Variants in ABI3BP observed in about 807,000 individuals in gnomAD.
ABI3BP encodes the protein target of Nesh-SH3.
Under a neutral mutation model 268.6 loss-of-function variants are expected in ABI3BP, and 216 were observed. The observed-to-expected ratio is 0.80, with a 90% CI of 0.72 to 0.90. ABI3BP has a LOEUF of 0.90. ABI3BP is among the 40% of genes least tolerant of loss of function. The pLI, the probability that ABI3BP is intolerant of heterozygous loss-of-function variation, is 0.00. For synonymous variants in ABI3BP, 730 were observed against 730.0 expected, an observed-to-expected ratio of 1.00 and a Z score of 0.00; for missense variants, 2,090 against 2,182.4, an observed-to-expected ratio of 0.96 and a Z score of 0.84.
intron 2 of ABI3BP, chr3:100,914,384 G>A (rs1045896499): frequency 2.2e-6 from 1 of 451,094 alleles, no homozygotes; most frequent in Middle Eastern, 3.3e-4. Context: ...CTGCGGAACA[G>A]GCCCCTGGCA....
chr3:100,884,997 G>A (rs1281810668), intron 6 of ABI3BP, among the ~76,000 whole-genome samples: 2 of 151,382 alleles, frequency 1.3e-5, no homozygotes, highest in Admixed American at 1.3e-4. Context: ...GAGAAACCGA[G>A]TGGCTGAAGT....
intron 1 of ABI3BP, among the ~76,000 whole-genome samples, chr3:100,979,839 C>T (rs2088366849): frequency 1.3e-5 from 2 of 152,192 alleles, no homozygotes; most frequent in Non-Finnish European, 2.9e-5. Context: ...TTGTAAACAT[C>T]TGAGAAAGGC....
At chr3:100,872,981 G>A (rs912305636) in intron 9 of ABI3BP, among the ~76,000 whole-genome samples, 4 of 152,056 alleles carry the variant, frequency 2.6e-5, no homozygotes, top group Non-Finnish European at 2.9e-5. Context: ...TGAACCATAC[G>A]TTTTGGAAAA....
intron 1 of ABI3BP, among the ~76,000 whole-genome samples, chr3:100,963,940 G>A (rs2080211993): frequency 6.6e-6 from 1 of 152,120 alleles, no homozygotes; most frequent in Non-Finnish European, 1.5e-5. Context: ...GGCTAGAGAT[G>A]GTTTCTCTGT....
intron 14 of ABI3BP, among the ~76,000 whole-genome samples, chr3:100,857,352 T>G (rs1315668180): frequency 6.6e-6 from 1 of 152,230 alleles, no homozygotes; most frequent in Non-Finnish European, 1.5e-5. Context: ...GTGCATTATA[T>G]TAAGTAATTT....
chr3:100,864,138 C>G, intron 11 of ABI3BP, 62 bp from the exon 12 acceptor site: 1 of 1,086,378 alleles, frequency 9.2e-7, no homozygotes. Context: ...TGTGGCTTAA[C>G]CATGATCATG....
rs1221227464 is a variant in ABI3BP, at chr3:100,898,898, T to G, written c.329-4A>C. On this transcript the variant is annotated splice_region_variant and splice_polypyrimidine_tract_variant and intron_variant, in intron 3 of 67. Transcript: ENST00000471714. Reference sequence around the variant, plus strand: ...GGTTTGCGAGAACGAGTTTTACCTGTGGAGGTGGCATAGAGGTTAATAATT... The same window carrying G: ...GGTTTGCGAGAACGAGTTTTACCTGGGGAGGTGGCATAGAGGTTAATAATT... 3.1e-6 allele frequency: 5 copies of G among 1,608,124 alleles called. No individual in the cohort carries two copies. The highest frequency in any genetic ancestry group is 3.4e-6 in the Non-Finnish European group (4 of 1,177,730).
At chr3:100,885,498 T>C in intron 6 of ABI3BP, 38 bp downstream of exon 6, 1 of 1,324,804 alleles carries the variant, frequency 7.5e-7, no homozygotes, top group Non-Finnish European at 1.0e-6. Context: ...GCAGATACAA[T>C]TTTTTAAAAA....
intron 1 of ABI3BP, among the ~76,000 whole-genome samples, chr3:100,970,037 G>A (rs938007249): frequency 6.6e-6 from 1 of 152,110 alleles, no homozygotes; most frequent in African/African-American, 2.4e-5. Flanking sequence ...ATAGGTACAG[G>A]TCTAGCCTAA....
chr3:100,959,447 G>A (rs1042063602), intron 1 of ABI3BP, among the ~76,000 whole-genome samples: 2 of 126,210 alleles, frequency 1.6e-5, no homozygotes, highest in Non-Finnish European at 3.1e-5. Flanking sequence ...CCGAGATCGC[G>A]CCACTGCACT....
chr3:100,885,127 G>T (rs948058133), intron 6 of ABI3BP, among the ~76,000 whole-genome samples: 5 of 152,060 alleles, frequency 3.3e-5, no homozygotes, highest in Non-Finnish European at 7.4e-5. Flanking sequence ...CTCCATTGTT[G>T]TGAAAAAGAC....
intron 63 of ABI3BP, among the ~76,000 whole-genome samples, chr3:100,765,254 AC>A (rs2096221705): frequency 6.6e-6 from 1 of 152,200 alleles, no homozygotes; most frequent in Non-Finnish European, 1.5e-5. Context: ...AATATGAACA[AC>A]CTGGTATCAA....
At chr3:100,846,300 G>T in intron 20 of ABI3BP, 72 bp downstream of exon 20, 1 of 1,008,998 alleles carries the variant, frequency 9.9e-7, no homozygotes, top group Non-Finnish European at 1.5e-6. Context: ...AGAAATTCTT[G>T]CTCCAAATAA....
At chr3:100,945,257 C>G (rs889681430) in intron 1 of ABI3BP, among the ~76,000 whole-genome samples, 1 of 151,974 alleles carries the variant, frequency 6.6e-6, no homozygotes, top group Non-Finnish European at 1.5e-5. Flanking sequence ...AAAAAAGGAA[C>G]AAATATTTTC....
intron 40 of ABI3BP, among the ~76,000 whole-genome samples, chr3:100,819,947 C>CAAAAAA (rs3029879): frequency 2.1e-5 from 2 of 94,616 alleles, no homozygotes; most frequent in African/African-American, 3.9e-5. Context: ...GACTCCGTCT[C>CAAAAAA]AAAAAAAAAA....
chr3:100,931,568 C>T (rs567886514), intron 1 of ABI3BP, among the ~76,000 whole-genome samples: 5 of 151,768 alleles, frequency 3.3e-5, no homozygotes, highest in Admixed American at 6.6e-5. Flanking sequence ...AATGTCCAAA[C>T]GAAGGGCCAA....
chr3:100,799,674 T>C (rs905585691), intron 51 of ABI3BP, among the ~76,000 whole-genome samples: 2 of 152,146 alleles, frequency 1.3e-5, no homozygotes, highest in Admixed American at 6.6e-5. Flanking sequence ...GATTCTCTCT[T>C]ATCTTTTTTG....
At position 100,823,507 on chromosome 3, in the gene ABI3BP, A is replaced by G. The variant is rs1246765343; in HGVS notation, c.2754T>C (p.Ala918=). 3.9e-6 allele frequency: 6 copies of G among 1,533,284 alleles called. No individual in the cohort carries two copies. The highest frequency in any genetic ancestry group is 3.5e-6 in the Non-Finnish European group (4 of 1,145,452). 95.0% of individuals were successfully genotyped at this position (1,533,284 alleles called of 1,614,324 possible). ...PQAPETKPVP[A]TVLEPVTLRP... ...TAAGAGTGACAGGTTCTAGGACTGTAGCAGGAACTGACCAAAACAACATGT... is the reference window on the plus strand; with the variant it reads ...TAAGAGTGACAGGTTCTAGGACTGTGGCAGGAACTGACCAAAACAACATGT... Residue 918 remains alanine, a synonymous_variant, in exon 37 of 68, where the codon GCT becomes GCC. Coordinates refer to ENST00000471714, the MANE Select transcript of ABI3BP (RefSeq NM_001375547.2).
intron 1 of ABI3BP, among the ~76,000 whole-genome samples, chr3:100,985,141 CTTTTTT>C (rs1172049956): frequency 2.5e-5 from 2 of 79,854 alleles, no homozygotes; most frequent in South Asian, 4.0e-4. Context: ...CAGAAAAGCA[CTTTTTT>C]TTTTTTTTTT....
Sources: gnomAD v4.1 joint callset for allele counts (sites outside exome capture counted in the v4.1 genomes callset) on GRCh38, gnomAD v4.1.1 for gene constraint, MANE v1.5 for transcripts, NCBI Gene and HGNC (gene_info 2026-07-23, HGNC 2026-07-21) for gene names.